Variants in ABCG2 observed in about 807,000 individuals in gnomAD.
ABCG2 encodes ATP binding cassette subfamily G member 2 (JR blood group), also known as broad substrate specificity ATP-binding cassette transporter ABCG2.
A neutral mutation model predicts 73.5 loss-of-function variants in ABCG2; 80 were observed. The ratio of observed to expected loss-of-function variants is 1.09; its 90% CI spans 0.91 to 1.31. The LOEUF is 1.31. ABCG2 is among the 50% of genes most tolerant of loss of function. The probability of loss-of-function intolerance (pLI) is 0.00; values close to 1 mark genes in which losing one functional copy is unlikely to be tolerated. For synonymous variants in ABCG2, 269 were observed against 282.4 expected, an observed-to-expected ratio of 0.95 and a Z score of 0.48; for missense variants, 796 against 786.2, an observed-to-expected ratio of 1.01 and a Z score of -0.15.
chr4:88,176,171 T>C (rs1727965112), intron 1 of ABCG2, among the ~76,000 whole-genome samples: 1 of 152,054 alleles, frequency 6.6e-6, no homozygotes. Context: ...TTTTTTTCTT[T>C]TTTTGTGGAG....
chr4:88,113,670 A>G (rs935735266), intron 8 of ABCG2, 117 bp from the exon 9 acceptor site: 25 of 1,359,204 alleles, frequency 1.8e-5, no homozygotes, highest in Non-Finnish European at 2.3e-5. Flanking sequence ...AAGCTTTAGA[A>G]AGAAAAAATA....
intron 1 of ABCG2, among the ~76,000 whole-genome samples, chr4:88,206,872 C>T (rs1253625368): frequency 6.6e-6 from 1 of 152,172 alleles, no homozygotes; most frequent in Admixed American, 6.5e-5. Context: ...GGTGCATTTA[C>T]AATCCTTTAG....
At chr4:88,153,310 G>A (rs977756999) in intron 1 of ABCG2, among the ~76,000 whole-genome samples, 20 of 151,992 alleles carry the variant, frequency 1.3e-4, no homozygotes, top group African/African-American at 2.7e-4. Context: ...TTTTGGGGGC[G>A]CAGTCCAAGT....
rs1286284320 is a variant in ABCG2, at chr4:88,107,188, T to C, written c.1273A>G (p.Asn425Asp). Residue 425 changes from asparagine to aspartate, a missense_variant, in exon 10 of 16, where the codon AAC (asparagine) becomes GAC (aspartate). Asn to Asp is a conservative substitution (Grantham distance 23, BLOSUM62 1). Transcript: ENST00000237612. Reference protein sequence around the residue: ...GLKNDSTGIQNRAGVLFFLTT... With the variant: ...GLKNDSTGIQDRAGVLFFLTT... ...TCAAGATCCAAATTTACTTACCTGTTCTGGATTCCAGTAGAATCATTTTTT... is the reference window on the plus strand; with the variant it reads ...TCAAGATCCAAATTTACTTACCTGTCCTGGATTCCAGTAGAATCATTTTTT... The C allele has an allele frequency of 6.2e-7, 1 of 1,610,198 alleles. No homozygotes were observed. Among genetic ancestry groups the C allele is most frequent in the Non-Finnish European group, 8.5e-7 (1 of 1,177,182 alleles).
upstream of ABCG2, chr4:88,159,419 G>C: frequency 2.9e-6 from 1 of 346,942 alleles, no homozygotes; most frequent in South Asian, 2.1e-5. Context: ...AAGGAAAGGG[G>C]AGAAACTTAC....
chr4:88,125,905 T>C (rs929661270), intron 5 of ABCG2, among the ~76,000 whole-genome samples: 2 of 151,852 alleles, frequency 1.3e-5, no homozygotes, highest in African/African-American at 2.4e-5. Context: ...TTCAAAAAGC[T>C]AGCAGAAGAC....
intron 1 of ABCG2, among the ~76,000 whole-genome samples, chr4:88,189,612 A>T (rs1201228290): frequency 6.6e-6 from 1 of 152,122 alleles, no homozygotes; most frequent in South Asian, 2.1e-4. Flanking sequence ...TATTTTGCTG[A>T]ATTTATTTAG....
chr4:88,182,338 G>C, intron 1 of ABCG2, among the ~76,000 whole-genome samples: 1 of 152,178 alleles, frequency 6.6e-6, no homozygotes, highest in Non-Finnish European at 1.5e-5. Flanking sequence ...GCATTGGACA[G>C]ATCTTCCAGA....
At chr4:88,203,569 C>A (rs530149202) in intron 1 of ABCG2, among the ~76,000 whole-genome samples, 1 of 152,170 alleles carries the variant, frequency 6.6e-6, no homozygotes, top group East Asian at 1.9e-4. Context: ...GCCTGGCCAA[C>A]ATGGGGAAAC....
Position 88,228,315 on chromosome 4 carries a change from A to C in ABCG2, c.-20+2679T>G, listed in dbSNP as rs918661701. Reference sequence around the variant, plus strand: ...GAGAGGGAAATGGCCTCATCCGAGAAAATGGGTCCAGAGAGTTGGCAGATG... The same window carrying C: ...GAGAGGGAAATGGCCTCATCCGAGACAATGGGTCCAGAGAGTTGGCAGATG... On this transcript the variant is annotated intron_variant, in intron 1 of 15. Transcript: ENST00000515655. 1.3e-3 allele frequency among the ~76,000 whole-genome samples: 196 copies of C among 152,172 alleles called. 1 individual carries two copies. The highest frequency in any genetic ancestry group is 4.5e-3 in the African/African-American group (185 of 41,442).
chr4:88,160,825 G>T (rs1223097141), upstream of ABCG2, among the ~76,000 whole-genome samples: 2 of 145,822 alleles, frequency 1.4e-5, no homozygotes, highest in Non-Finnish European at 3.0e-5. Context: ...CTCTAGCCTG[G>T]GTGACAACGT....
intron 1 of ABCG2, among the ~76,000 whole-genome samples, chr4:88,209,476 C>T (rs1729507853): frequency 6.6e-6 from 1 of 151,916 alleles, no homozygotes; most frequent in Admixed American, 6.6e-5. Flanking sequence ...CCAGCCTGGC[C>T]AACATGGTGA....
In ABCG2 at chr4:88,201,149, A is replaced by G. The variant is rs144379260; in HGVS notation, c.-20+29845T>C. Among the ~76,000 whole-genome samples, 5 of 151,566 alleles carry G rather than the reference A, an allele frequency of 3.3e-5. No individual in the cohort carries two copies. In the South Asian group the frequency reaches 6.2e-4, roughly 19 times the overall value. ...ATCAATAGAGAAAATTAACAAAAAA[A>G]CAAAAGCCGGTTATTTGAAAAGATC... On this transcript the variant is annotated intron_variant, in intron 1 of 15. Transcript: ENST00000515655.
At chr4:88,193,334 A>T (rs1728779727) in intron 1 of ABCG2, among the ~76,000 whole-genome samples, 1 of 152,134 alleles carries the variant, frequency 6.6e-6, no homozygotes, top group South Asian at 2.1e-4. Flanking sequence ...TTTTCTCAAT[A>T]TTGTACGATC....
intron 1 of ABCG2, among the ~76,000 whole-genome samples, chr4:88,168,615 G>A (rs951177781): frequency 6.6e-6 from 1 of 151,362 alleles, no homozygotes; most frequent in Non-Finnish European, 1.5e-5. Context: ...TAGTACAGTA[G>A]AGTATATAAC....
At chr4:88,157,371 G>A (rs990154342) in intron 1 of ABCG2, among the ~76,000 whole-genome samples, 6 of 152,148 alleles carry the variant, frequency 3.9e-5, no homozygotes, top group Admixed American at 3.9e-4. Context: ...TGAGATCATC[G>A]ATTGGATCCT....
chr4:88,093,491 G>T (rs555849307), intron 15 of ABCG2, among the ~76,000 whole-genome samples: 4 of 128,632 alleles, frequency 3.1e-5, no homozygotes, highest in African/African-American at 1.2e-4. Flanking sequence ...GTGACAGAGC[G>T]AGACTCCATT....
chr4:88,095,371 A>G (rs1408297178), intron 14 of ABCG2, 149 bp downstream of exon 14: 3 of 681,858 alleles, frequency 4.4e-6, no homozygotes, highest in Non-Finnish European at 7.6e-6. Context: ...ACCAAGGCTA[A>G]CAGGAAATTC....
intron 6 of ABCG2, 60 bp downstream of exon 6, chr4:88,121,575 T>C: frequency 6.7e-7 from 1 of 1,494,276 alleles, no homozygotes; most frequent in Non-Finnish European, 9.1e-7. Context: ...GCCCCAAGAA[T>C]ATCTGGGACA....
Sources: gnomAD v4.1 joint callset for allele counts (sites outside exome capture counted in the v4.1 genomes callset) on GRCh38, gnomAD v4.1.1 for gene constraint, MANE v1.5 for transcripts, NCBI Gene and HGNC (gene_info 2026-07-23, HGNC 2026-07-21) for gene names.